The following TRIM6 variants were observed in gnomAD, a reference collection of about 807,000 sequenced individuals.
TRIM6 encodes tripartite motif containing 6.
TRIM6 carries 43 observed loss-of-function variants against 51.2 expected under a neutral mutation model. The observed-to-expected ratio is 0.84, with a 90% confidence interval of 0.66 to 1.08. The LOEUF (loss-of-function observed/expected upper bound fraction) is 1.08, where lower values mean the gene tolerates loss of function less well. Ranked by LOEUF, TRIM6 falls within the 50% of genes least tolerant of loss-of-function variation. The pLI, the probability that TRIM6 is intolerant of heterozygous loss-of-function variation, is 0.00. For synonymous variants in TRIM6, 215 were observed against 232.4 expected (o/e 0.93, Z 0.68); for missense variants, 669 against 619.0 (o/e 1.08, Z -0.86).
At chr11:5,597,354 A>T (rs1564859886) in intron 1 of TRIM6, among the ~76,000 whole-genome samples, 1 of 152,172 alleles carries the variant, frequency 6.6e-6, no homozygotes, top group Non-Finnish European at 1.5e-5. Flanking sequence ...GCCTAGCTTT[A>T]AAAAAATGCA....
intron 6 of TRIM6, 51 bp from the exon 7 acceptor site, chr11:5,610,484 C>G (rs756678455): frequency 3.1e-6 from 5 of 1,613,690 alleles, no homozygotes; most frequent in Non-Finnish European, 4.2e-6. Context: ...AGATACCAGA[C>G]ATGAGACAGT....
rs1404941640 is a variant in TRIM6, at chr11:5,605,265, T to G, written c.604-72T>G. 2.7e-5 allele frequency: 43 copies of G among 1,604,914 alleles called. No homozygotes were observed. In the South Asian group the frequency reaches 4.1e-4, roughly 15 times the overall value. ...CCAGGAAAGCAGTCCTGAGCCCAAC[T>G]TCCCCGCTTTTAATAGAGGAGACCC... On this transcript the variant is annotated intron_variant, in intron 3 of 7. Transcript: ENST00000380097.
At chr11:5,604,742 G>A (rs1180133959) in intron 3 of TRIM6, 113 bp downstream of exon 3, 2 of 1,136,286 alleles carry the variant, frequency 1.8e-6, no homozygotes, top group African/African-American at 3.2e-5. Flanking sequence ...GACTAGAAGA[G>A]CTTCCCTTTG....
At chr11:5,609,248 T>G (rs936499271) in intron 5 of TRIM6, among the ~76,000 whole-genome samples, 2 of 152,128 alleles carry the variant, frequency 1.3e-5, no homozygotes, top group African/African-American at 4.8e-5. Context: ...TATCGTCCCT[T>G]CTGAAATCTG....
At chr11:5,599,746 A>G (rs1847721622) in intron 1 of TRIM6, among the ~76,000 whole-genome samples, 1 of 152,142 alleles carries the variant, frequency 6.6e-6, no homozygotes, top group Admixed American at 6.5e-5. Context: ...AAGATAGCAC[A>G]TTTATTTCTA....
intron 4 of TRIM6, 92 bp from the exon 5 acceptor site, chr11:5,608,280 A>G (rs1211508865): frequency 1.5e-5 from 24 of 1,559,194 alleles, no homozygotes; most frequent in Admixed American, 5.5e-5. Context: ...CTTTATTTGT[A>G]TCATATCATG....
At position 5,611,687 on chromosome 11, in the gene TRIM6, A is replaced by C. The variant is rs1313251797; in HGVS notation, c.*345A>C. On this transcript the variant is annotated 3_prime_UTR_variant, in exon 8 of 8. Transcript: ENST00000380097. The stretch of plus-strand genomic sequence containing the variant: ...AGGCTGATCTCGAACTCCTGACCGC[A>C]AGTGATCCACCCGCCTCGGTCTCCC... 4.5e-6 allele frequency: 1 copy of C among 224,318 alleles called. No homozygotes were observed. Among genetic ancestry groups the C allele is most frequent in the East Asian group, 1.1e-4 (1 of 9,488 alleles). 13.9% of individuals were successfully genotyped at this position (224,318 alleles called of 1,614,324 possible). A position where few individuals can be genotyped will look rare whatever the true frequency, so the allele number is the denominator to read the frequency against.
At chr11:5,608,340 T>A (rs1447521430) in intron 4 of TRIM6, 32 bp from the exon 5 acceptor site, 2 of 1,612,962 alleles carry the variant, frequency 1.2e-6, no homozygotes, top group South Asian at 2.2e-5. Flanking sequence ...GACCTGTTAC[T>A]CCTTGACTTA....
chr11:5,605,171 G>A, intron 3 of TRIM6, 166 bp from the exon 4 acceptor site: 1 of 910,026 alleles, frequency 1.1e-6, no homozygotes, highest in Non-Finnish European at 1.7e-6. Context: ...AGGGAGAAAA[G>A]AAGGAAAGAA....
chr11:5,605,183 A>G, intron 3 of TRIM6, 154 bp from the exon 4 acceptor site: 2 of 993,520 alleles, frequency 2.0e-6, no homozygotes, highest in South Asian at 1.4e-5. Flanking sequence ...AGGAAAGAAC[A>G]GGCTACAAAG....
chr11:5,602,223 G>A (rs1043406536), intron 1 of TRIM6, among the ~76,000 whole-genome samples: 17 of 151,988 alleles, frequency 1.1e-4, no homozygotes, highest in South Asian at 6.2e-4. Flanking sequence ...GGCGGATCAT[G>A]AGGTCAGGAG....
In TRIM6 at chr11:5,603,552, G is replaced by C. The variant is rs529523849; in HGVS notation, c.324G>C (p.Arg108=). The C allele has an allele frequency of 6.2e-7, 1 of 1,614,106 alleles. No homozygotes were observed. The highest frequency in any genetic ancestry group is 2.2e-5 in the East Asian group (1 of 44,860). Residue 108 remains arginine (R), a synonymous_variant, in exon 2 of 8, where the codon CGG becomes CGC. Coordinates refer to ENST00000380097, the MANE Select transcript of TRIM6 (RefSeq NM_001003818.3). ...PNRHLANIVR[R]LREVVLGPGK... ...GGCATCTGGCCAACATAGTGAGGCGGCTCAGAGAGGTAGTGTTGGGCCCTG... is the reference window on the plus strand; with the variant it reads ...GGCATCTGGCCAACATAGTGAGGCGCCTCAGAGAGGTAGTGTTGGGCCCTG...
At chr11:5,598,813 CTATCTAGT>C (rs1847641663) in intron 1 of TRIM6, among the ~76,000 whole-genome samples, 1 of 152,128 alleles carries the variant, frequency 6.6e-6, no homozygotes. Context: ...TTATTGAGTT[CTATCTAGT>C]AAGTTACAAA....
At chr11:5,599,695 G>A (rs1847718590) in intron 1 of TRIM6, among the ~76,000 whole-genome samples, 2 of 139,372 alleles carry the variant, frequency 1.4e-5, no homozygotes, top group African/African-American at 5.2e-5. Flanking sequence ...GGGCCACCGC[G>A]CCCGGCCAAC....
intron 5 of TRIM6, 105 bp downstream of exon 5, chr11:5,608,499 GAGAGT>G: frequency 6.5e-7 from 1 of 1,549,666 alleles, no homozygotes; most frequent in Non-Finnish European, 8.8e-7. Context: ...GAAGATTCAA[GAGAGT>G]AGTCTTGAAT....
At chr11:5,609,688 TGAG>T (rs951497849) in intron 5 of TRIM6, among the ~76,000 whole-genome samples, 29 of 152,272 alleles carry the variant, frequency 1.9e-4, no homozygotes, top group African/African-American at 7.0e-4. Context: ...TTTGGGAGGC[TGAG>T]GAGGGCAGAT....
At position 5,605,953 on chromosome 11, in the gene TRIM6, C is replaced by T. The variant is rs550954490; in HGVS notation, c.834+386C>T. 8.7e-4 allele frequency among the ~76,000 whole-genome samples: 133 copies of T among 152,324 alleles called. 2 individuals are homozygous for T. Among genetic ancestry groups the T allele is most frequent in the Non-Finnish European group, 2.4e-4 (16 of 68,030 alleles). ...GGATGCTTAGCAGCGTCTCTGGCCT[C>T]TGCTCACTAGATGTCAGCAGCACCA... On this transcript the variant is annotated intron_variant, in intron 4 of 7. Transcript: ENST00000380097.
At position 5,603,686 on chromosome 11, in the gene TRIM6, A is replaced by C; in HGVS notation, c.458A>C (p.His153Pro). 6.2e-7 allele frequency: 1 copy of C among 1,613,348 alleles called. No individual in the cohort carries two copies. Among genetic ancestry groups the C allele is most frequent in the Middle Eastern group, 1.6e-4 (1 of 6,062 alleles). The change falls in exon 2 of 8, where the codon CAC (histidine) becomes CCC (proline). Residue 153 changes from histidine to proline, a missense_variant. Physicochemically the swap from His to Pro is moderately conservative, Grantham distance 77. Transcript: ENST00000380097. ...ICWLCERSQEHRGHHTFLVEE... is the reference protein window; with the variant it reads ...ICWLCERSQEPRGHHTFLVEE... ...TGGCTTTGTGAGCGGTCTCAGGAGC[A>C]CCGTGGTCACCACACGTTCCTCGTG...
rs1848575081 is a variant in TRIM6 at position 5,611,490 on chromosome 11, GT to G, written c.*149del. The G allele has an allele frequency of 1.3e-6, 1 of 743,768 alleles. No homozygotes were observed. Among genetic ancestry groups the G allele is most frequent in the African/African-American group, 1.8e-5 (1 of 56,656 alleles). The allele number at this position is 743,768 out of a possible 1,614,324, so 46.1% of individuals were successfully genotyped here. On this transcript the variant is annotated 3_prime_UTR_variant, in exon 8 of 8. Coordinates refer to ENST00000380097, the MANE Select transcript of TRIM6 (RefSeq NM_001003818.3). ...CTTTTTTGAGATGGAATCTCGCTCT[GT>G]CGCCCAGGCTGGAGTGCACTGGCGC...
Sources: gnomAD v4.1 joint callset for allele counts (sites outside exome capture counted in the v4.1 genomes callset) on GRCh38, gnomAD v4.1.1 for gene constraint, MANE v1.5 for transcripts, NCBI Gene and HGNC (gene_info 2026-07-23, HGNC 2026-07-21) for gene names.